The following PPM1A variants were observed in gnomAD, a reference collection of about 807,000 sequenced individuals.
The protein encoded by PPM1A is protein phosphatase 1A.
A neutral mutation model predicts 35.0 loss-of-function variants in PPM1A; 7 were observed. That is an observed-to-expected ratio of 0.20 (90% confidence interval 0.11 to 0.38). The LOEUF is 0.38. Ranked by LOEUF, PPM1A falls within the 10% of genes least tolerant of loss-of-function variation. PPM1A has a pLI of 1.00. For synonymous variants in PPM1A, 153 were observed against 167.3 expected (o/e 0.91, Z 0.66); for missense variants, 239 against 467.8 (o/e 0.51, Z 4.51).
At chr14:60,284,417 G>A (rs572808322) in intron 2 of PPM1A, among the ~76,000 whole-genome samples, 86 of 152,148 alleles carry the variant, frequency 5.7e-4, no homozygotes, top group Non-Finnish European at 8.5e-4. Flanking sequence ...CGAGGTGGGC[G>A]GATCACGAGG....
In PPM1A at chr14:60,296,495, T is replaced by C. The variant is rs184832824; in HGVS notation, c.*4013T>C. On this transcript the variant is annotated 3_prime_UTR_variant, in exon 6 of 6. Coordinates refer to ENST00000395076, the MANE Select transcript of PPM1A (RefSeq NM_021003.5). The surrounding 1 kb of genome is among the most constrained non-coding windows in gnomAD (Gnocchi z 4.4). ...TTCTAAGGGACCTTAAAGAGTTTTA[T>C]ATACTTTTGCTCACAGAAACTGCTG... The C allele has an allele frequency of 6.9e-5, 20 of 290,512 alleles. No individual in the cohort carries two copies. The highest frequency in any genetic ancestry group is 4.3e-4 in the African/African-American group (20 of 46,562). The allele number at this position is 290,512 out of a possible 1,614,324, so 18.0% of individuals were successfully genotyped here. A position where few individuals can be genotyped will look rare whatever the true frequency, so the allele number is the denominator to read the frequency against.
intron 2 of PPM1A, among the ~76,000 whole-genome samples, chr14:60,284,819 T>C (rs1886814420): frequency 6.6e-6 from 1 of 151,562 alleles, no homozygotes; most frequent in Admixed American, 6.6e-5. Context: ...TATACATTGC[T>C]AACAGCATTA....
chr14:60,290,255 G>A (rs1887491267), intron 4 of PPM1A, among the ~76,000 whole-genome samples: 1 of 152,114 alleles, frequency 6.6e-6, no homozygotes, highest in Non-Finnish European at 1.5e-5. Context: ...GTCGTTGTTA[G>A]TAGTAGTATA....
rs920565590 is a variant in PPM1A, at chr14:60,299,080, TTACA to T, written c.*6601_*6604del. Reference sequence around the variant, plus strand: ...CTGGTGCCACTAAATAAACAGGCAATTACATAATGTGTGTGTATTTATGATTGTT... The same window carrying T: ...CTGGTGCCACTAAATAAACAGGCAATTAATGTGTGTGTATTTATGATTGTT... On this transcript the variant is annotated 3_prime_UTR_variant, in exon 6 of 6. Coordinates refer to ENST00000395076, the MANE Select transcript of PPM1A (RefSeq NM_021003.5). This position sits in a 1 kb window ranked among gnomAD's most constrained non-coding sequence, Gnocchi z 4.2. The T allele has an allele frequency of 6.6e-6, 1 of 151,896 alleles. No homozygotes were observed. Among genetic ancestry groups the T allele is most frequent in the African/African-American group, 2.4e-5 (1 of 41,418 alleles). 9.4% of individuals were successfully genotyped at this position (151,896 alleles called of 1,614,324 possible).
upstream of PPM1A, chr14:60,246,144 T>C: frequency 2.7e-6 from 3 of 1,104,018 alleles, no homozygotes; most frequent in Non-Finnish European, 3.8e-6. Context: ...GTGAGGGGTA[T>C]TCTCAAATAC....
chr14:60,246,189 A>G (rs1441902655), upstream of PPM1A: 3 of 817,224 alleles, frequency 3.7e-6, no homozygotes, highest in African/African-American at 3.5e-5. Flanking sequence ...ATTACTGCAT[A>G]TATTTTGAGA....
At chr14:60,272,784 C>T (rs1268606952) in intron 1 of PPM1A, among the ~76,000 whole-genome samples, 4 of 150,450 alleles carry the variant, frequency 2.7e-5, no homozygotes, top group Non-Finnish European at 1.5e-5. Context: ...TTTGGTGATA[C>T]GTTATTCTAG....
intron 1 of PPM1A, among the ~76,000 whole-genome samples, chr14:60,266,614 T>G (rs1051334799): frequency 6.6e-6 from 1 of 152,174 alleles, no homozygotes; most frequent in African/African-American, 2.4e-5. Context: ...GCACCCATTA[T>G]TGAATCTCTC....
At chr14:60,254,800 T>C (rs979325091) in intron 1 of PPM1A, among the ~76,000 whole-genome samples, 12 of 152,214 alleles carry the variant, frequency 7.9e-5, no homozygotes, top group African/African-American at 2.9e-4. Context: ...CTATGGTTTT[T>C]CATTATATCA....
chr14:60,250,086 C>A (rs1389255249), intron 1 of PPM1A, among the ~76,000 whole-genome samples: 1 of 151,680 alleles, frequency 6.6e-6, no homozygotes, highest in Non-Finnish European at 1.5e-5. Context: ...GCGCGCCGCC[C>A]CGGCTGTCCT....
In PPM1A at chr14:60,262,210, G is replaced by A. The variant is rs552943700; in HGVS notation, c.-21+12533G>A. Among the ~76,000 whole-genome samples, 29 of 152,256 alleles carry A rather than the reference G, an allele frequency of 1.9e-4. No individual in the cohort carries two copies. The South Asian group carries it at 5.4e-3, about 28-fold the overall frequency. ...AACCAAGGATTCTTTCTTTACAAAAGATTTCCTCTATATAAATCTTCCTGT... is the reference window on the plus strand; with the variant it reads ...AACCAAGGATTCTTTCTTTACAAAAAATTTCCTCTATATAAATCTTCCTGT... On this transcript the variant is annotated intron_variant, in intron 1 of 5. Transcript: ENST00000395076.
chr14:60,251,435 T>C (rs1340274228), intron 1 of PPM1A, among the ~76,000 whole-genome samples: 1 of 152,026 alleles, frequency 6.6e-6, no homozygotes, highest in Non-Finnish European at 1.5e-5. Flanking sequence ...CTGAGGTATA[T>C]GACCTGTTGA....
Position 60,292,525 on chromosome 14 carries a change from A to G in PPM1A, c.*43A>G. The G allele has an allele frequency of 2.0e-6, 3 of 1,526,384 alleles. No homozygotes were observed. The highest frequency in any genetic ancestry group is 1.4e-5 in the African/African-American group (1 of 72,914). 94.6% of individuals were successfully genotyped at this position (1,526,384 alleles called of 1,614,324 possible). The stretch of plus-strand genomic sequence containing the variant: ...TGGAGTTTACCTTCACCTCCAAAGG[A>G]GAGTACAGCTCAACTTTGTTGAAAC... On this transcript the variant is annotated 3_prime_UTR_variant, in exon 6 of 6. Coordinates refer to ENST00000395076, the MANE Select transcript of PPM1A (RefSeq NM_021003.5). The surrounding 1 kb of genome is among the most constrained non-coding windows in gnomAD (Gnocchi z 4.2).
In PPM1A at chr14:60,277,521, A is replaced by G. The variant is rs76760943; in HGVS notation, c.-20-5163A>G. On this transcript the variant is annotated intron_variant, in intron 1 of 5. Transcript: ENST00000395076. Reference sequence around the variant, plus strand: ...GTTACATTTTTATATACTAATTTATATACTATAATAATATACTGTATATAT... The same window carrying G: ...GTTACATTTTTATATACTAATTTATGTACTATAATAATATACTGTATATAT... Among the ~76,000 whole-genome samples, 247 of 152,152 alleles carry G rather than the reference A, an allele frequency of 1.6e-3. 6 individuals carry two copies. The East Asian group carries it at 0.039, about 24-fold the overall frequency.
chr14:60,256,466 A>G (rs532912004), intron 1 of PPM1A, among the ~76,000 whole-genome samples: 1 of 152,324 alleles, frequency 6.6e-6, no homozygotes, highest in African/African-American at 2.4e-5. Flanking sequence ...AATACATAGT[A>G]AAATTTATTG....
chr14:60,268,764 CATT>C (rs1341714358), intron 1 of PPM1A, among the ~76,000 whole-genome samples: 5 of 151,322 alleles, frequency 3.3e-5, no homozygotes, highest in East Asian at 3.9e-4. Flanking sequence ...AGATTTTTCT[CATT>C]ATTGTTTCTA....
At chr14:60,251,436 G>A (rs1882403267) in intron 1 of PPM1A, among the ~76,000 whole-genome samples, 1 of 151,942 alleles carries the variant, frequency 6.6e-6, no homozygotes, top group Non-Finnish European at 1.5e-5. Context: ...TGAGGTATAT[G>A]ACCTGTTGAA....
chr14:60,253,962 C>T (rs1341024472), intron 1 of PPM1A, among the ~76,000 whole-genome samples: 2 of 152,010 alleles, frequency 1.3e-5, no homozygotes, highest in Admixed American at 1.3e-4. Flanking sequence ...ATTTCTTAAA[C>T]CTGTTTTTTT....
intron 1 of PPM1A, among the ~76,000 whole-genome samples, chr14:60,275,932 C>G (rs1460148792): frequency 1.3e-5 from 2 of 149,474 alleles, no homozygotes; most frequent in African/African-American, 2.5e-5. Flanking sequence ...AGATGGCTGC[C>G]TTGGATTACA....
Sources: gnomAD v4.1 joint callset for allele counts (sites outside exome capture counted in the v4.1 genomes callset) on GRCh38, gnomAD v4.1.1 for gene constraint, Gnocchi (gnomAD v3.1) non-coding constraint, MANE v1.5 for transcripts, NCBI Gene and HGNC (gene_info 2026-07-23, HGNC 2026-07-21) for gene names.